DRC11: variants seen among roughly 807,000 people sequenced by gnomAD.
DRC11 encodes the protein dynein regulatory complex subunit 11, also known as IQ and AAA domain-containing protein 1.
At chr2:236,425,053 C>T in the DRC11 span, among the ~76,000 whole-genome samples, 11 of 151,928 alleles carry the variant, frequency 7.2e-5, no homozygotes, top group African/African-American at 1.9e-4. Context: ...TATGTTTATC[C>T]GTTCATCTAC....
the DRC11 span, among the ~76,000 whole-genome samples, chr2:236,348,416 G>A: frequency 6.6e-6 from 1 of 152,188 alleles, no homozygotes; most frequent in East Asian, 1.9e-4. This position sits in a 1 kb window ranked among gnomAD's most constrained non-coding sequence, Gnocchi z 7.4. Context: ...GGATGGGTCC[G>A]GTCCGAACAG....
the DRC11 span, among the ~76,000 whole-genome samples, chr2:236,414,142 A>G: frequency 6.6e-6 from 1 of 152,194 alleles, no homozygotes; most frequent in Non-Finnish European, 1.5e-5. Context: ...CTTTTCAGAT[A>G]GATAGTTTGC....
At chr2:236,468,748 C>T in the DRC11 span, among the ~76,000 whole-genome samples, 5 of 152,154 alleles carry the variant, frequency 3.3e-5, no homozygotes, top group East Asian at 3.8e-4. Context: ...TTAGTTTTCA[C>T]GGAGATGTTA....
At chr2:236,389,976 A>G in the DRC11 span, among the ~76,000 whole-genome samples, 13 of 152,182 alleles carry the variant, frequency 8.5e-5, no homozygotes, top group Admixed American at 2.6e-4. Flanking sequence ...GTTGGGTACA[A>G]TAACTGTTAG....
chr2:236,345,809 T>A, the DRC11 span, among the ~76,000 whole-genome samples: 5 of 152,242 alleles, frequency 3.3e-5, no homozygotes, highest in African/African-American at 1.2e-4. Context: ...AATACAGCGT[T>A]ATGTACTCCT....
the DRC11 span, chr2:236,392,104 C>G: frequency 6.3e-7 from 1 of 1,594,054 alleles, no homozygotes; most frequent in Non-Finnish European, 8.6e-7. The surrounding 1 kb of genome is among the most constrained non-coding windows in gnomAD (Gnocchi z 5.1). Flanking sequence ...ACTTTTAAGT[C>G]ACTTTGCATG....
chr2:236,497,065 C>T, the DRC11 span: 39 of 961,606 alleles, frequency 4.1e-5, no homozygotes, highest in South Asian at 5.3e-5. The surrounding 1 kb of genome is among the most constrained non-coding windows in gnomAD (Gnocchi z 5.1). Context: ...CTAGTAAACA[C>T]GGACAGGAAG....
At chr2:236,364,064 C>T in the DRC11 span, 1 of 1,126,614 alleles carries the variant, frequency 8.9e-7, no homozygotes, top group Non-Finnish European at 1.3e-6. Context: ...GTCAAAACTG[C>T]ATCGTGTGAC....
chr2:236,331,313 G>A, the DRC11 span: 1 of 1,308,554 alleles, frequency 7.6e-7, no homozygotes, highest in East Asian at 2.3e-5. The surrounding 1 kb of genome is among the most constrained non-coding windows in gnomAD (Gnocchi z 4.8). Flanking sequence ...GAGGCAGCGT[G>A]AGGAGTGTCT....
chr2:236,386,339 C>A, the DRC11 span, among the ~76,000 whole-genome samples: 2 of 151,946 alleles, frequency 1.3e-5, no homozygotes, highest in Non-Finnish European at 2.9e-5. Flanking sequence ...ACAATTTCAG[C>A]TCCTGTTATT....
the DRC11 span, among the ~76,000 whole-genome samples, chr2:236,390,818 G>T: frequency 6.6e-6 from 1 of 152,010 alleles, no homozygotes; most frequent in Admixed American, 6.5e-5. This position sits in a 1 kb window ranked among gnomAD's most constrained non-coding sequence, Gnocchi z 5.9. Flanking sequence ...GGTGGGCCTG[G>T]TGTCAGGGTT....
chr2:236,356,568 G>A, the DRC11 span, among the ~76,000 whole-genome samples: 1 of 152,160 alleles, frequency 6.6e-6, no homozygotes, highest in Non-Finnish European at 1.5e-5. Context: ...TTGCATTTTT[G>A]TTGACATTCA....
At chr2:236,359,275 T>G in the DRC11 span, among the ~76,000 whole-genome samples, 1 of 151,844 alleles carries the variant, frequency 6.6e-6, no homozygotes, top group African/African-American at 2.4e-5. This position sits in a 1 kb window ranked among gnomAD's most constrained non-coding sequence, Gnocchi z 4.3. Context: ...ATACATTTCT[T>G]AAAAAGGAAA....
the DRC11 span, among the ~76,000 whole-genome samples, chr2:236,315,113 A>C: frequency 6.6e-6 from 1 of 152,250 alleles, no homozygotes; most frequent in Admixed American, 6.5e-5. This position sits in a 1 kb window ranked among gnomAD's most constrained non-coding sequence, Gnocchi z 5.1. Flanking sequence ...ATCAGAATAG[A>C]GGATTTGTAA....
chr2:236,497,450 G>A, the DRC11 span: 17 of 1,612,986 alleles, frequency 1.1e-5, no homozygotes, highest in Non-Finnish European at 1.4e-5. This position sits in a 1 kb window ranked among gnomAD's most constrained non-coding sequence, Gnocchi z 5.1. Flanking sequence ...AAAGCACCGA[G>A]GGCTTCTTGG....
chr2:236,436,983 C>T, the DRC11 span, among the ~76,000 whole-genome samples: 1 of 151,854 alleles, frequency 6.6e-6, no homozygotes, highest in African/African-American at 2.4e-5. Flanking sequence ...GGGACATGTG[C>T]ACAATGTGCA....
At chr2:236,344,997 C>T in the DRC11 span, among the ~76,000 whole-genome samples, 5 of 146,296 alleles carry the variant, frequency 3.4e-5, no homozygotes, top group Admixed American at 6.8e-5. Context: ...AATGCGCTTC[C>T]CTCTGGGGTG....
chr2:236,451,677 G>A, the DRC11 span, among the ~76,000 whole-genome samples: 3 of 152,286 alleles, frequency 2.0e-5, no homozygotes, highest in Non-Finnish European at 4.4e-5. Context: ...AGGACGCCAC[G>A]CTGTGGGTGT....
chr2:236,415,392 T>C, the DRC11 span, among the ~76,000 whole-genome samples: 1 of 152,212 alleles, frequency 6.6e-6, no homozygotes, highest in Non-Finnish European at 1.5e-5. The surrounding 1 kb of genome is among the most constrained non-coding windows in gnomAD (Gnocchi z 5.7). Flanking sequence ...TGAGGAATTA[T>C]AGTGCCTTTT....
Sources: gnomAD v4.1 joint callset for allele counts (sites outside exome capture counted in the v4.1 genomes callset) on GRCh38, gnomAD v4.1.1 for gene constraint, Gnocchi (gnomAD v3.1) non-coding constraint, MANE v1.5 for transcripts, NCBI Gene and HGNC (gene_info 2026-07-23, HGNC 2026-07-21) for gene names.